The following C10orf67 variants were observed in gnomAD, a reference collection of about 807,000 sequenced individuals.
C10orf67 encodes uncharacterized protein C10orf67, mitochondrial.
In C10orf67, 60 loss-of-function variants were observed where a neutral mutation model predicts 35.6. The ratio of observed to expected loss-of-function variants is 1.68; its 90% CI spans 1.37 to 2.09. The LOEUF (loss-of-function observed/expected upper bound fraction) is 2.09. C10orf67 is among the 30% of genes most tolerant of loss of function. The probability of loss-of-function intolerance (pLI) is 0.00; values close to 1 mark genes in which losing one functional copy is unlikely to be tolerated. For synonymous variants in C10orf67, 167 were observed against 115.8 expected (o/e 1.44, Z -2.84); for missense variants, 474 against 330.2 (o/e 1.44, Z -3.38).
At chr10:23,331,497 A>ACCGGGAC (rs1254578277) in intron 2 of C10orf67, among the ~76,000 whole-genome samples, 1 of 16 alleles carries the variant, frequency 0.062, no homozygotes, top group Non-Finnish European at 0.17. Context: ...AGGGAAGGGA[A>ACCGGGAC]GGGAAAAGGG....
chr10:23,271,651 A>C (rs976385851), intron 8 of C10orf67, among the ~76,000 whole-genome samples: 5 of 152,150 alleles, frequency 3.3e-5, no homozygotes, highest in Admixed American at 6.6e-5. Context: ...TGAGATTTTA[A>C]TTTGTATCTC....
intron 13 of C10orf67, among the ~76,000 whole-genome samples, chr10:23,235,288 A>G (rs942263937): frequency 6.6e-6 from 1 of 152,210 alleles, no homozygotes; most frequent in African/African-American, 2.4e-5. Flanking sequence ...TGTCACAGAC[A>G]CAGAGAATAC....
At chr10:23,220,163 C>A (rs893545048) in intron 15 of C10orf67, among the ~76,000 whole-genome samples, 2 of 151,852 alleles carry the variant, frequency 1.3e-5, no homozygotes, top group Non-Finnish European at 2.9e-5. Context: ...CAGACAAATA[C>A]CCCATCTCAA....
At chr10:23,212,146 T>C (rs1265501431) in intron 15 of C10orf67, among the ~76,000 whole-genome samples, 1 of 152,230 alleles carries the variant, frequency 6.6e-6, no homozygotes, top group Non-Finnish European at 1.5e-5. Flanking sequence ...GAAGGCAATG[T>C]GTAGACACAG....
At chr10:23,230,597 TC>T (rs1841881898) in intron 13 of C10orf67, among the ~76,000 whole-genome samples, 1 of 152,034 alleles carries the variant, frequency 6.6e-6, no homozygotes, top group South Asian at 2.1e-4. Flanking sequence ...TATAAATAAT[TC>T]CTATGAAAAA....
At chr10:23,322,193 T>C (rs1379789841) in intron 3 of C10orf67, among the ~76,000 whole-genome samples, 1 of 152,224 alleles carries the variant, frequency 6.6e-6, no homozygotes, top group East Asian at 1.9e-4. Flanking sequence ...AAGGTAAATG[T>C]GAGAATTAAA....
chr10:23,336,014 G>A (rs1440464917), intron 1 of C10orf67, among the ~76,000 whole-genome samples: 2 of 152,096 alleles, frequency 1.3e-5, no homozygotes, highest in East Asian at 3.8e-4. Flanking sequence ...TCAATGACAT[G>A]GGGCCATAAA....
chr10:23,344,783 G>C lies in C10orf67; in HGVS notation c.-9C>G, dbSNP rs1268395553. The C allele has an allele frequency of 1.3e-6, 2 of 1,553,790 alleles. No homozygotes were observed. The highest frequency in any genetic ancestry group is 1.7e-6 in the Non-Finnish European group (2 of 1,148,486). ...TCCCGGACCAAGGCCATCATAAGAG[G>C]AGAGCAGGCTGCCTAATAAGCTGTC... On this transcript the variant is annotated 5_prime_UTR_variant, in exon 1 of 16. Coordinates refer to ENST00000636213, the MANE Select transcript of C10orf67 (RefSeq NM_001371909.1).
intron 6 of C10orf67, among the ~76,000 whole-genome samples, chr10:23,290,681 G>T (rs770230929): frequency 6.6e-6 from 1 of 152,194 alleles, no homozygotes; most frequent in Non-Finnish European, 1.5e-5. Flanking sequence ...ATCAAAAATT[G>T]AAGTAACTAG....
intron 8 of C10orf67, among the ~76,000 whole-genome samples, chr10:23,271,327 T>C (rs879391694): frequency 6.6e-5 from 10 of 152,246 alleles, no homozygotes; most frequent in Non-Finnish European, 1.2e-4. Flanking sequence ...TATTAATGTA[T>C]ACCAGAGGTG....
At chr10:23,235,982 C>T (rs1163000559) in intron 13 of C10orf67, among the ~76,000 whole-genome samples, 2 of 152,006 alleles carry the variant, frequency 1.3e-5, no homozygotes, top group Non-Finnish European at 2.9e-5. Flanking sequence ...GGCATGGTGG[C>T]TCAAGCCTGT....
At chr10:23,217,429 C>A (rs1487931851) in intron 15 of C10orf67, among the ~76,000 whole-genome samples, 2 of 152,146 alleles carry the variant, frequency 1.3e-5, no homozygotes, top group African/African-American at 2.4e-5. Flanking sequence ...TATCCTGTAA[C>A]ATTTTGCCAG....
intron 15 of C10orf67, among the ~76,000 whole-genome samples, chr10:23,220,792 T>C (rs1355976703): frequency 2.6e-5 from 4 of 152,194 alleles, no homozygotes; most frequent in Non-Finnish European, 5.9e-5. Context: ...GAATATTATG[T>C]ATATCCACTG....
At chr10:23,249,992 T>C (rs947819349) in intron 12 of C10orf67, among the ~76,000 whole-genome samples, 1 of 152,178 alleles carries the variant, frequency 6.6e-6, no homozygotes, top group Admixed American at 6.5e-5. Context: ...AAGAGGACAC[T>C]GGGAAGAGAA....
chr10:23,265,030 C>A (rs1842849876), intron 10 of C10orf67, among the ~76,000 whole-genome samples: 1 of 152,258 alleles, frequency 6.6e-6, no homozygotes. Context: ...AGAACGTAGT[C>A]ACTGGTCATT....
chr10:23,303,195 G>A, intron 5 of C10orf67, 109 bp downstream of exon 5: 1 of 406,138 alleles, frequency 2.5e-6, no homozygotes, highest in Non-Finnish European at 4.4e-6. Flanking sequence ...ATGGGGAGAT[G>A]CCCAAAATGC....
At chr10:23,307,507 T>C (rs1588676209) in intron 4 of C10orf67, among the ~76,000 whole-genome samples, 1 of 152,148 alleles carries the variant, frequency 6.6e-6, no homozygotes, top group East Asian at 1.9e-4. Context: ...AAAATGAATG[T>C]ACAGTAGAAT....
intron 8 of C10orf67, 145 bp from the exon 9 acceptor site, chr10:23,267,399 T>C: frequency 2.0e-6 from 1 of 509,282 alleles, no homozygotes; most frequent in Non-Finnish European, 3.5e-6. Context: ...AGTTATAGTA[T>C]CAAAGAAAAA....
At chr10:23,284,202 A>C (rs527958120) in intron 7 of C10orf67, among the ~76,000 whole-genome samples, 2 of 148,022 alleles carry the variant, frequency 1.4e-5, no homozygotes, top group East Asian at 4.0e-4. Context: ...TCCTGCTTAC[A>C]CCCCCTTCCC....
Sources: gnomAD v4.1 joint callset for allele counts (sites outside exome capture counted in the v4.1 genomes callset) on GRCh38, gnomAD v4.1.1 for gene constraint, MANE v1.5 for transcripts, NCBI Gene and HGNC (gene_info 2026-07-23, HGNC 2026-07-21) for gene names.